RAB38: variants seen among roughly 807,000 people sequenced by gnomAD.
The protein encoded by RAB38 is ras-related protein Rab-38.
A neutral mutation model predicts 18.4 loss-of-function variants in RAB38; 15 were observed. That is an observed-to-expected ratio of 0.82 (90% CI 0.55 to 1.26). RAB38 has a LOEUF of 1.26. RAB38 is among the 50% of genes most tolerant of loss of function. The probability of loss-of-function intolerance (pLI) is 0.00; values close to 1 mark genes in which losing one functional copy is unlikely to be tolerated. For missense variants in RAB38, 294 were observed against 267.4 expected, an observed-to-expected ratio of 1.10 and a Z score of -0.69; for synonymous variants, 101 against 104.4, an observed-to-expected ratio of 0.97 and a Z score of 0.20.
At chr11:87,956,874 C>T in the RAB38 span, among the ~76,000 whole-genome samples, 4 of 151,908 alleles carry the variant, frequency 2.6e-5, no homozygotes, top group Non-Finnish European at 5.9e-5. Context: ...GGGTTCCCTC[C>T]CCCCACCTTC....
chr11:87,888,093 A>C, the RAB38 span, among the ~76,000 whole-genome samples: 2 of 151,874 alleles, frequency 1.3e-5, no homozygotes, highest in African/African-American at 4.8e-5. Flanking sequence ...TATGTACCAA[A>C]GGAAGATTTT....
the RAB38 span, among the ~76,000 whole-genome samples, chr11:88,034,654 G>C: frequency 6.6e-6 from 1 of 152,180 alleles, no homozygotes; most frequent in South Asian, 2.1e-4. Context: ...CTCTTTGGTG[G>C]AATGTCTCTA....
chr11:88,149,330 A>G (rs1190767484), intron 2 of RAB38, among the ~76,000 whole-genome samples: 1 of 152,204 alleles, frequency 6.6e-6, no homozygotes, highest in Admixed American at 6.6e-5. Flanking sequence ...TTACTATAAA[A>G]CCATACTCAC....
the RAB38 span, among the ~76,000 whole-genome samples, chr11:88,045,252 C>G: frequency 6.6e-6 from 1 of 152,132 alleles, no homozygotes; most frequent in African/African-American, 2.4e-5. Flanking sequence ...ATTCCGGCCC[C>G]CAAACCCCAC....
chr11:88,066,707 T>A, the RAB38 span, among the ~76,000 whole-genome samples: 33 of 152,274 alleles, frequency 2.2e-4, 1 homozygote, highest in African/African-American at 7.7e-4. Context: ...TGGTCCTTAA[T>A]TTTCCTCTCT....
the RAB38 span, among the ~76,000 whole-genome samples, chr11:87,952,961 T>A: frequency 1.3e-5 from 2 of 152,296 alleles, no homozygotes; most frequent in East Asian, 3.9e-4. Flanking sequence ...TAAATGTTTT[T>A]AATTTTAAAA....
chr11:88,018,182 T>G, the RAB38 span, among the ~76,000 whole-genome samples: 2 of 152,134 alleles, frequency 1.3e-5, no homozygotes, highest in African/African-American at 4.8e-5. Flanking sequence ...CTATCAACTT[T>G]TTTCTGCCAG....
the RAB38 span, among the ~76,000 whole-genome samples, chr11:87,812,211 G>A: frequency 2.0e-5 from 3 of 152,130 alleles, no homozygotes; most frequent in Non-Finnish European, 4.4e-5. Flanking sequence ...GATATGACCT[G>A]ATTAGTGTCA....
chr11:88,068,385 A>G, the RAB38 span, among the ~76,000 whole-genome samples: 1 of 152,344 alleles, frequency 6.6e-6, no homozygotes, highest in African/African-American at 2.4e-5. Context: ...AATAGAAATA[A>G]AACAATAAAT....
At chr11:87,950,528 C>G in the RAB38 span, among the ~76,000 whole-genome samples, 7 of 152,088 alleles carry the variant, frequency 4.6e-5, no homozygotes, top group African/African-American at 1.7e-4. Flanking sequence ...TGGTACCAGT[C>G]GTTCCTTTCC....
the RAB38 span, among the ~76,000 whole-genome samples, chr11:88,097,396 C>T: frequency 2.6e-5 from 4 of 151,826 alleles, no homozygotes; most frequent in Non-Finnish European, 5.9e-5. Context: ...CCTGAGTCTG[C>T]GTTTGGATCC....
chr11:88,106,399 GTATTT>G, the RAB38 span, among the ~76,000 whole-genome samples: 1 of 152,002 alleles, frequency 6.6e-6, no homozygotes, highest in Non-Finnish European at 1.5e-5. Flanking sequence ...AGAAAACATT[GTATTT>G]TATTACAAGT....
chr11:87,941,825 C>T, the RAB38 span, among the ~76,000 whole-genome samples: 2 of 152,136 alleles, frequency 1.3e-5, no homozygotes, highest in Admixed American at 1.3e-4. Flanking sequence ...TTCTCTTCTT[C>T]CCTTCTGTTT....
At chr11:87,841,169 T>G in the RAB38 span, among the ~76,000 whole-genome samples, 32 of 152,328 alleles carry the variant, frequency 2.1e-4, no homozygotes, top group African/African-American at 7.7e-4. Context: ...ATGGTTTGGC[T>G]GTGTCCCCAC....
the RAB38 span, among the ~76,000 whole-genome samples, chr11:88,071,839 C>T: frequency 6.6e-6 from 1 of 152,184 alleles, no homozygotes; most frequent in Admixed American, 6.5e-5. Flanking sequence ...AGGCCCCATA[C>T]TAAACACACA....
At chr11:87,884,465 G>C in the RAB38 span, among the ~76,000 whole-genome samples, 14 of 151,924 alleles carry the variant, frequency 9.2e-5, no homozygotes, top group Admixed American at 5.9e-4. Context: ...TGACAAGATG[G>C]TTTGTAGCAG....
the RAB38 span, among the ~76,000 whole-genome samples, chr11:88,087,723 G>C: frequency 1.3e-5 from 2 of 151,862 alleles, no homozygotes; most frequent in African/African-American, 4.8e-5. Context: ...AGTAAGTTCT[G>C]GCTCTTACCA....
the RAB38 span, among the ~76,000 whole-genome samples, chr11:87,938,614 T>C: frequency 1.7e-5 from 2 of 120,626 alleles, no homozygotes; most frequent in East Asian, 5.3e-4. Context: ...CTGTTGCTCT[T>C]TTCCGTTTTT....
chr11:87,885,790 G>A, the RAB38 span, among the ~76,000 whole-genome samples: 1 of 151,968 alleles, frequency 6.6e-6, no homozygotes, highest in Non-Finnish European at 1.5e-5. Flanking sequence ...TTGGCCTCTA[G>A]CATGGGAATT....
Sources: gnomAD v4.1 joint callset for allele counts (sites outside exome capture counted in the v4.1 genomes callset) on GRCh38, gnomAD v4.1.1 for gene constraint, MANE v1.5 for transcripts, NCBI Gene and HGNC (gene_info 2026-07-23, HGNC 2026-07-21) for gene names.